The following KLB variants were observed in gnomAD, a reference collection of about 807,000 sequenced individuals.
KLB encodes the protein klotho beta.
A neutral mutation model predicts 88.4 loss-of-function variants in KLB; 44 were observed. The ratio of observed to expected loss-of-function variants is 0.50; its 90% CI spans 0.39 to 0.64. KLB has a LOEUF of 0.64. Among genes scored for constraint, KLB ranks in the 30% least tolerant of loss-of-function variants. KLB has a pLI of 0.00. For synonymous variants in KLB, 548 were observed against 513.4 expected (o/e 1.07, Z -0.91); for missense variants, 1,137 against 1,304.8 (o/e 0.87, Z 1.98).
At chr4:39,417,492 T>A (rs138542802) in intron 1 of KLB, among the ~76,000 whole-genome samples, 215 of 152,286 alleles carry the variant, frequency 1.4e-3, no homozygotes, top group African/African-American at 4.9e-3. Context: ...TTTGTATTTT[T>A]GGCAGAGACA....
intron 1 of KLB, among the ~76,000 whole-genome samples, chr4:39,421,423 C>T (rs919610102): frequency 6.6e-6 from 1 of 152,026 alleles, no homozygotes. Flanking sequence ...GAGGGGCACC[C>T]CAGGTGGTGA....
Position 39,446,164 on chromosome 4 carries a change from G to T in KLB, c.1606-168G>T, listed in dbSNP as rs181092988. ...AACTTGTTTTCCAAGCCAGGACCTG[G>T]GTGTGGCTCCTTCTCTGTTTTCTGG... On this transcript the variant is annotated intron_variant, in intron 3 of 4. Transcript: ENST00000257408. This position sits in a 1 kb window ranked among gnomAD's most constrained non-coding sequence, Gnocchi z 6.4. Among the ~76,000 whole-genome samples the T allele has an allele frequency of 2.0e-5, 3 of 152,258 alleles. No individual in the cohort carries two copies. In the East Asian group the frequency reaches 5.8e-4, roughly 29 times the overall value.
chr4:39,423,226 T>G (rs1386220646), intron 1 of KLB, among the ~76,000 whole-genome samples: 1 of 151,868 alleles, frequency 6.6e-6, no homozygotes, highest in African/African-American at 2.4e-5. Context: ...AATCGAGAAT[T>G]ACATATAAAT....
At chr4:39,433,815 GCAC>G (rs1250462226) in intron 1 of KLB, among the ~76,000 whole-genome samples, 4 of 151,992 alleles carry the variant, frequency 2.6e-5, no homozygotes, top group Non-Finnish European at 5.9e-5. Context: ...AGCTGAGATC[GCAC>G]CACTACACTC....
At position 39,448,311 on chromosome 4, in the gene KLB, T is replaced by A. The variant is rs766983788; in HGVS notation, c.2760T>A (p.Ile920=). 13 of 1,587,292 alleles carry A rather than the reference T, an allele frequency of 8.2e-6. No homozygotes were observed. In the South Asian group the frequency reaches 1.3e-4, roughly 15 times the overall value. Residue 920 remains isoleucine, a synonymous_variant, in exon 5 of 5, where the codon ATT becomes ATA. Coordinates refer to ENST00000257408, the MANE Select transcript of KLB (RefSeq NM_175737.4). ...YLQEVLKAYL[I]DKVRIKGYYA... ...TCTTATCTTTTTCAGCATACCTGAT[T>A]GATAAAGTCAGAATCAAAGGCTATT...
At position 39,446,904 on chromosome 4, in the gene KLB, C is replaced by T. The variant is rs560924478; in HGVS notation, c.2178C>T (p.Tyr726=). The T allele has an allele frequency of 1.9e-6, 3 of 1,606,298 alleles. No individual in the cohort carries two copies. The highest frequency in any genetic ancestry group is 2.5e-6 in the Non-Finnish European group (3 of 1,179,256). Residue 726 remains tyrosine, a synonymous_variant, in exon 4 of 5, where the codon TAC becomes TAT. Transcript: ENST00000257408. The surrounding 1 kb of genome is among the most constrained non-coding windows in gnomAD (Gnocchi z 6.4). Reference sequence around the variant, plus strand: ...CCCACGCCCTGGCCTGGCGCCTCTACGACCGGCAGTTCAGGCCCTCACAGC... The same window carrying T: ...CCCACGCCCTGGCCTGGCGCCTCTATGACCGGCAGTTCAGGCCCTCACAGC... ...LVAHALAWRL[Y]DRQFRPSQRG...
chr4:39,409,179 G>A (rs1742787990), intron 1 of KLB, among the ~76,000 whole-genome samples: 1 of 151,952 alleles, frequency 6.6e-6, no homozygotes. Context: ...TGGGTATACT[G>A]TGATTTGACA....
In KLB at chr4:39,447,062, C is replaced by T. The variant is rs367746368; in HGVS notation, c.2336C>T (p.Thr779Ile). The stretch of plus-strand genomic sequence containing the variant: ...TGGTTCGCCGAGCCGCTCTTCAAGA[C>T]CGGGGACTACCCCGCGGCCATGAGG... ...IAWFAEPLFK[T>I]GDYPAAMREY... The change falls in exon 4 of 5, where the codon ACC (threonine) becomes ATC (isoleucine). Residue 779 changes from threonine (T) to isoleucine (I), a missense_variant. Coordinates refer to ENST00000257408, the MANE Select transcript of KLB (RefSeq NM_175737.4). 2 of 1,612,724 alleles carry T rather than the reference C, an allele frequency of 1.2e-6. No individual in the cohort carries two copies. The highest frequency in any genetic ancestry group is 1.7e-6 in the Non-Finnish European group (2 of 1,179,964).
Position 39,448,345 on chromosome 4 carries a change from A to G in KLB, c.2794A>G (p.Lys932Glu). The G allele has an allele frequency of 6.2e-7, 1 of 1,612,530 alleles. No homozygotes were observed. The highest frequency in any genetic ancestry group is 1.1e-5 in the South Asian group (1 of 90,928). The change falls in exon 5 of 5, where the codon AAA becomes GAA. Residue 932 changes from lysine (K) to glutamate (E), a missense_variant. Around this residue, in one of 4 missense-constraint regions of KLB, gnomAD observed 426 missense variants for 404.6 expected, o/e 1.05. Transcript: ENST00000257408. ...CAGAATCAAAGGCTATTATGCATTC[A>G]AACTGGCTGAAGAGAAATCTAAACC... is the stretch of plus-strand genomic sequence containing the variant. The part of the protein sequence containing the change: ...KVRIKGYYAF[K>E]LAEEKSKPRF...
At chr4:39,418,277 A>T (rs540110299) in intron 1 of KLB, among the ~76,000 whole-genome samples, 5 of 152,026 alleles carry the variant, frequency 3.3e-5, no homozygotes, top group Non-Finnish European at 5.9e-5. Context: ...TCGCTCTGTC[A>T]CCTAGGCTGG....
At position 39,446,388 on chromosome 4, in the gene KLB, C is replaced by T. The variant is rs1743746454; in HGVS notation, c.1662C>T (p.Asn554=). 2 of 1,614,122 alleles carry T rather than the reference C, an allele frequency of 1.2e-6. No homozygotes were observed. Among genetic ancestry groups the T allele is most frequent in the South Asian group, 2.2e-5 (2 of 91,070 alleles). ...GCGATCCTCATCTGTACGTGTGGAA[C>T]GCCACTGGCAACAGACTGTTGCACC... ...QFSDPHLYVW[N]ATGNRLLHRV... Residue 554 remains asparagine (N), a synonymous_variant, in exon 4 of 5, where the codon AAC becomes AAT. Coordinates refer to ENST00000257408, the MANE Select transcript of KLB (RefSeq NM_175737.4). The surrounding 1 kb of genome is among the most constrained non-coding windows in gnomAD (Gnocchi z 6.4).
At chr4:39,411,607 C>G (rs1742850825) in intron 1 of KLB, among the ~76,000 whole-genome samples, 1 of 151,712 alleles carries the variant, frequency 6.6e-6, no homozygotes, top group Admixed American at 6.6e-5. Flanking sequence ...GCAACCTCCG[C>G]CTCCCGGATT....
At chr4:39,436,443 C>G (rs1363613103) in intron 2 of KLB, among the ~76,000 whole-genome samples, 1 of 152,172 alleles carries the variant, frequency 6.6e-6, no homozygotes, top group Non-Finnish European at 1.5e-5. Flanking sequence ...TGTCCATTCC[C>G]CAGGTGTTAC....
At chr4:39,411,019 T>C (rs1467550320) in intron 1 of KLB, among the ~76,000 whole-genome samples, 1 of 152,186 alleles carries the variant, frequency 6.6e-6, no homozygotes, top group Non-Finnish European at 1.5e-5. Flanking sequence ...TAATCACACC[T>C]ACTAATGGAT....
In KLB at chr4:39,407,095, C is replaced by G. The variant is rs1189793244; in HGVS notation, c.146C>G (p.Ala49Gly). 1 of 1,614,084 alleles carries G rather than the reference C, an allele frequency of 6.2e-7. No homozygotes were observed. Among genetic ancestry groups the G allele is most frequent in the African/African-American group, 1.3e-5 (1 of 75,034 alleles). ...CTGTCAGCACTTATTCTGCTACGAG[C>G]TGTTACTGGATTCTCTGGAGATGGA... Reference protein sequence around the residue: ...VILSALILLRAVTGFSGDGRA... With the variant: ...VILSALILLRGVTGFSGDGRA... Residue 49 changes from alanine (A) to glycine (G), a missense_variant, in exon 1 of 5, where the codon GCT becomes GGT. By Grantham distance (60) the Ala-to-Gly change is moderately conservative. Coordinates refer to ENST00000257408, the MANE Select transcript of KLB (RefSeq NM_175737.4).
At chr4:39,413,537 G>C in intron 1 of KLB, among the ~76,000 whole-genome samples, 1 of 151,840 alleles carries the variant, frequency 6.6e-6, no homozygotes, top group Non-Finnish European at 1.5e-5. Context: ...TAGTTTTGTA[G>C]AGACAAGACA....
At chr4:39,421,685 G>A (rs2109826078) in intron 1 of KLB, among the ~76,000 whole-genome samples, 1 of 152,010 alleles carries the variant, frequency 6.6e-6, no homozygotes, top group East Asian at 1.9e-4. Context: ...AATCTGGGAG[G>A]TAGAGGTTGC....
intron 3 of KLB, among the ~76,000 whole-genome samples, chr4:39,445,465 T>C (rs941765506): frequency 6.6e-6 from 1 of 151,836 alleles, no homozygotes; most frequent in African/African-American, 2.4e-5. Context: ...CGGGGAGACA[T>C]GATGGATGCA....
intron 1 of KLB, among the ~76,000 whole-genome samples, chr4:39,419,773 CAAA>C (rs35079093): frequency 5.6e-5 from 4 of 71,266 alleles, no homozygotes; most frequent in African/African-American, 5.3e-5. Context: ...AATTCCATCT[CAAA>C]AAAAAAAAAA....
Sources: gnomAD v4.1 joint callset for allele counts (sites outside exome capture counted in the v4.1 genomes callset) on GRCh38, gnomAD v4.1.1 for gene constraint, gnomAD v4.1.1 regional missense constraint, Gnocchi (gnomAD v3.1) non-coding constraint, MANE v1.5 for transcripts, NCBI Gene and HGNC (gene_info 2026-07-23, HGNC 2026-07-21) for gene names.